Variants in UBE2E2 observed in about 807,000 individuals in gnomAD.
UBE2E2 encodes ubiquitin conjugating enzyme E2 E2.
Under a neutral mutation model 24.7 loss-of-function variants are expected in UBE2E2, and 6 were observed. The observed-to-expected ratio is 0.24, with a 90% confidence interval of 0.13 to 0.48. UBE2E2 has a LOEUF of 0.48. Ranked by LOEUF, UBE2E2 falls within the 20% of genes least tolerant of loss-of-function variation. UBE2E2 has a pLI of 0.99. For synonymous variants in UBE2E2, 104 were observed against 83.6 expected (o/e 1.24, Z -1.33); for missense variants, 169 against 245.0 (o/e 0.69, Z 2.07).
At position 23,360,524 on chromosome 3, in the gene UBE2E2, T is replaced by C. The variant is rs188468422; in HGVS notation, c.228-139084T>C. ...TATTTTGATGGTAGTGTTCAAAATA[T>C]TTCTGGAGAGCATAGAAGAAGAGAT... On this transcript the variant is annotated intron_variant, in intron 3 of 5. Transcript: ENST00000396703. 2.0e-5 allele frequency among the ~76,000 whole-genome samples: 3 copies of C among 152,292 alleles called. No homozygotes were observed. In the East Asian group the frequency reaches 5.8e-4, roughly 29 times the overall value.
intron 3 of UBE2E2, among the ~76,000 whole-genome samples, chr3:23,288,612 A>G (rs553216536): frequency 2.2e-4 from 33 of 152,168 alleles, no homozygotes; most frequent in Non-Finnish European, 4.6e-4. Flanking sequence ...GGCTGCACAT[A>G]TATTTATGTT....
chr3:23,424,799 A>AT (rs889686764), intron 3 of UBE2E2, among the ~76,000 whole-genome samples: 1 of 152,132 alleles, frequency 6.6e-6, no homozygotes, highest in African/African-American at 2.4e-5. Flanking sequence ...AAGTAGTTTG[A>AT]TTTTTTATAA....
At chr3:23,218,456 A>G (rs888666880) in intron 3 of UBE2E2, among the ~76,000 whole-genome samples, 3 of 152,072 alleles carry the variant, frequency 2.0e-5, no homozygotes, top group African/African-American at 7.2e-5. Context: ...TTGGTGGTCA[A>G]TGATTATAAG....
At chr3:23,577,858 A>G (rs1449947829) in intron 5 of UBE2E2, among the ~76,000 whole-genome samples, 1 of 152,108 alleles carries the variant, frequency 6.6e-6, no homozygotes, top group Non-Finnish European at 1.5e-5. Flanking sequence ...GTGCTCATTT[A>G]CCATTTCAAA....
chr3:23,254,906 T>C (rs71317821), intron 3 of UBE2E2, among the ~76,000 whole-genome samples: 9,513 of 151,988 alleles, frequency 0.063, 473 homozygotes, highest in Non-Finnish European at 0.09. Context: ...TTAAGGCTTT[T>C]TTTTTCCCCC....
intron 3 of UBE2E2, among the ~76,000 whole-genome samples, chr3:23,356,362 C>G (rs902277631): frequency 1.3e-5 from 2 of 152,108 alleles, no homozygotes; most frequent in Non-Finnish European, 2.9e-5. Context: ...AGAAACTATT[C>G]CCAGAGTTGA....
chr3:23,447,603 A>G (rs1698464935), intron 3 of UBE2E2, among the ~76,000 whole-genome samples: 1 of 152,228 alleles, frequency 6.6e-6, no homozygotes, highest in Non-Finnish European at 1.5e-5. Flanking sequence ...CTGAGCTGAA[A>G]AATGATTCAG....
At chr3:23,420,181 C>A (rs887572346) in intron 3 of UBE2E2, among the ~76,000 whole-genome samples, 1 of 152,132 alleles carries the variant, frequency 6.6e-6, no homozygotes, top group Admixed American at 6.5e-5. Flanking sequence ...AGCTCTTTGA[C>A]GGCAGTATCT....
chr3:23,365,442 C>G (rs1696227378), intron 3 of UBE2E2, among the ~76,000 whole-genome samples: 1 of 152,166 alleles, frequency 6.6e-6, no homozygotes, highest in Non-Finnish European at 1.5e-5. Context: ...AATCAGTGCA[C>G]AAAAACCAGT....
intron 4 of UBE2E2, among the ~76,000 whole-genome samples, chr3:23,532,282 A>G (rs1695141823): frequency 6.6e-6 from 1 of 152,138 alleles, no homozygotes; most frequent in African/African-American, 2.4e-5. Flanking sequence ...AGTCCCTAAA[A>G]CATTTGTTAA....
intron 3 of UBE2E2, among the ~76,000 whole-genome samples, chr3:23,431,672 C>G (rs1698063875): frequency 6.6e-6 from 1 of 151,986 alleles, no homozygotes; most frequent in African/African-American, 2.4e-5. Flanking sequence ...TTTAAAAGTA[C>G]AAAATAGAAC....
intron 3 of UBE2E2, among the ~76,000 whole-genome samples, chr3:23,223,569 ATCCCTTG>A (rs1696726750): frequency 6.6e-6 from 1 of 151,984 alleles, no homozygotes; most frequent in Non-Finnish European, 1.5e-5. Context: ...CTGGTTACTA[ATCCCTTG>A]TCCCTTGTCA....
At chr3:23,354,902 T>G (rs2125324972) in intron 3 of UBE2E2, among the ~76,000 whole-genome samples, 1 of 152,256 alleles carries the variant, frequency 6.6e-6, no homozygotes, top group East Asian at 1.9e-4. Flanking sequence ...GAACTATAAA[T>G]CATGCTGCTA....
intron 3 of UBE2E2, among the ~76,000 whole-genome samples, chr3:23,374,012 G>T (rs1194219261): frequency 6.6e-6 from 1 of 152,146 alleles, no homozygotes; most frequent in African/African-American, 2.4e-5. Context: ...TTGTTACTAT[G>T]ATATAATTCC....
chr3:23,517,972 G>A (rs1287591583), intron 4 of UBE2E2, among the ~76,000 whole-genome samples: 1 of 152,036 alleles, frequency 6.6e-6, no homozygotes, highest in Non-Finnish European at 1.5e-5. Flanking sequence ...TAGAAAATGG[G>A]AATTTTTTTT....
chr3:23,544,660 A>G (rs1025919119), intron 5 of UBE2E2, among the ~76,000 whole-genome samples: 1 of 152,236 alleles, frequency 6.6e-6, no homozygotes, highest in African/African-American at 2.4e-5. Flanking sequence ...CTACAAGTAG[A>G]TCTGAAGGGG....
At chr3:23,571,950 G>T (rs199882080) in intron 5 of UBE2E2, among the ~76,000 whole-genome samples, 2,240 of 152,232 alleles carry the variant, frequency 0.015, 59 homozygotes, top group African/African-American at 0.05. Flanking sequence ...CATGTTTTAT[G>T]TTGGACTCCT....
chr3:23,580,738 A>G (rs1430366636), intron 5 of UBE2E2, among the ~76,000 whole-genome samples: 1 of 152,220 alleles, frequency 6.6e-6, no homozygotes, highest in East Asian at 1.9e-4. Context: ...CTTGAACTAA[A>G]TGTTGAGAAA....
intron 3 of UBE2E2, among the ~76,000 whole-genome samples, chr3:23,452,098 A>G (rs1337532539): frequency 6.6e-6 from 1 of 152,146 alleles, no homozygotes; most frequent in Non-Finnish European, 1.5e-5. Context: ...TCTTTGGCTG[A>G]AAGTGGGGAA....
Sources: allele counts gnomAD v4.1 joint callset (sites outside exome capture counted in the v4.1 genomes callset), GRCh38; gene constraint gnomAD v4.1.1; transcripts MANE v1.5; gene names NCBI Gene and HGNC (gene_info 2026-07-23, HGNC 2026-07-21).